The following HERC2 variants were observed in gnomAD, a reference collection of about 807,000 sequenced individuals.
HERC2 encodes the protein HECT and RLD domain containing E3 ubiquitin protein ligase 2.
Under a neutral mutation model 537.7 loss-of-function variants are expected in HERC2, and 102 were observed. That is an observed-to-expected ratio of 0.19 (90% CI 0.16 to 0.22). The LOEUF is 0.22. Among genes scored for constraint, HERC2 ranks in the 10% least tolerant of loss-of-function variants. HERC2 has a pLI of 1.00. For missense variants in HERC2, 4,236 were observed against 6,198.2 expected (o/e 0.68, Z 10.63); for synonymous variants, 2,224 against 2,466.2 (o/e 0.90, Z 2.91).
Position 28,230,380 on chromosome 15 carries a change from A to C in HERC2, c.4796T>G (p.Ile1599Ser), listed in dbSNP as rs1225502150. The C allele has an allele frequency of 1.9e-6, 3 of 1,570,484 alleles. No homozygotes were observed. Among genetic ancestry groups the C allele is most frequent in the Non-Finnish European group, 2.6e-6 (3 of 1,157,294 alleles). ...AAAATACTGCACCTTGGGTGATTTA[A>C]TTGCAATGGGTCTCTTGTCCACATT... is the stretch of plus-strand genomic sequence containing the variant. The part of the protein sequence containing the change: ...PINVDKRPIA[I>S]KSPKDKWQPL... The change falls in exon 31 of 93, where the codon ATT (isoleucine) becomes AGT (serine). Residue 1599 changes from isoleucine to serine, a missense_variant. This residue lies in a region of HERC2 where 343 missense variants were observed against 417.2 expected (regional missense o/e 0.82). Transcript: ENST00000261609.
chr15:28,214,022 C>T (rs1312147410), intron 41 of HERC2, 50 bp from the exon 42 acceptor site: 1 of 1,609,688 alleles, frequency 6.2e-7, no homozygotes, highest in African/African-American at 1.3e-5. Flanking sequence ...CGGAGCTGCC[C>T]AATCCCTACA....
chr15:28,238,299 AGTTAGGCGCTTAACTCAAAAGTGAGG>A, intron 24 of HERC2, 82 bp from the exon 25 acceptor site: 1 of 1,068,892 alleles, frequency 9.4e-7, no homozygotes, highest in Non-Finnish European at 1.5e-6. Context: ...ATAGGAAATA[AGTTAGGCGCTTAACTCAAAAGTGAGG>A]GTTACCAGAG....
chr15:28,171,980 CAGG>C (rs61112679), intron 65 of HERC2, among the ~76,000 whole-genome samples: 11,480 of 150,592 alleles, frequency 0.076, 1,490 homozygotes, highest in African/African-American at 0.27. Flanking sequence ...GAGGCTGAGG[CAGG>C]AGAATGGCGT....
chr15:28,209,634 C>T (rs1333556447), intron 44 of HERC2, among the ~76,000 whole-genome samples: 4 of 152,254 alleles, frequency 2.6e-5, no homozygotes, highest in African/African-American at 4.8e-5. Context: ...TGAGCCACCG[C>T]GCCAGGCCTA....
At position 28,260,771 on chromosome 15, in the gene HERC2, C is replaced by T. The variant is rs1280934724; in HGVS notation, c.2316+6G>A. The T allele has an allele frequency of 3.7e-6, 6 of 1,612,108 alleles. No homozygotes were observed. The highest frequency in any genetic ancestry group is 1.7e-5 in the Admixed American group (1 of 59,892). ...AAAATACCAAATCAAGCTCTATATT[C>T]AGTACCTGGGCAGGCCCACAGGCAA... is the stretch of plus-strand genomic sequence containing the variant. On this transcript the variant is annotated splice_donor_region_variant and intron_variant, in intron 16 of 92. Transcript: ENST00000261609.
intron 15 of HERC2, among the ~76,000 whole-genome samples, chr15:28,262,408 T>C (rs982954232): frequency 6.6e-6 from 1 of 152,194 alleles, no homozygotes; most frequent in Admixed American, 6.5e-5. Flanking sequence ...CTACATACCT[T>C]GGCTTCCATC....
intron 65 of HERC2, among the ~76,000 whole-genome samples, chr15:28,173,931 C>T (rs1368497256): frequency 6.6e-6 from 1 of 151,830 alleles, no homozygotes; most frequent in Non-Finnish European, 1.5e-5. Flanking sequence ...GTACAGAGGG[C>T]CAGAGAGGAA....
intron 35 of HERC2, among the ~76,000 whole-genome samples, chr15:28,225,705 A>C (rs1378801250): frequency 1.3e-5 from 2 of 151,202 alleles, no homozygotes; most frequent in Admixed American, 1.3e-4. Context: ...TCAAAAAAAA[A>C]AAAAAAAAAA....
intron 84 of HERC2, 72 bp from the exon 85 acceptor site, chr15:28,124,306 G>A (rs1162605461): frequency 6.6e-6 from 7 of 1,062,810 alleles, no homozygotes; most frequent in Non-Finnish European, 9.0e-6. Flanking sequence ...CATCCATTAA[G>A]GATTCTGAAA....
chr15:28,260,592 T>G (rs763929634), intron 16 of HERC2, among the ~76,000 whole-genome samples, 185 bp downstream of exon 16: 1 of 152,198 alleles, frequency 6.6e-6, no homozygotes, highest in African/African-American at 2.4e-5. Context: ...TCTATACAGA[T>G]AGCATTTAAT....
chr15:28,218,638 G>C lies in HERC2; in HGVS notation c.5879C>G (p.Thr1960Ser), dbSNP rs1250316962. 6.3e-7 allele frequency: 1 copy of C among 1,586,880 alleles called. No individual in the cohort carries two copies. The highest frequency in any genetic ancestry group is 2.2e-5 in the East Asian group (1 of 44,812). ...AEQTERNIHP[T>S]AMMFTSTINL... The stretch of plus-strand genomic sequence containing the variant: ...AATAGTGCTGGTAAACATCATTGCA[G>C]TGGGGTGAATGTTCCTTTCAGTTTG... The change falls in exon 38 of 93, where the codon ACT becomes AGT. Residue 1960 changes from threonine to serine, a missense_variant. Coordinates refer to ENST00000261609, the MANE Select transcript of HERC2 (RefSeq NM_004667.6).
intron 69 of HERC2, among the ~76,000 whole-genome samples, chr15:28,155,744 T>C (rs953731594): frequency 1.2e-4 from 19 of 152,340 alleles, no homozygotes; most frequent in Middle Eastern, 3.4e-3. Flanking sequence ...TTTCTTTTGC[T>C]GTGCAGAAGC....
intron 34 of HERC2, among the ~76,000 whole-genome samples, chr15:28,228,837 C>T (rs1901527431): frequency 1.3e-5 from 2 of 152,144 alleles, no homozygotes; most frequent in Non-Finnish European, 2.9e-5. Flanking sequence ...CCTTCCATTT[C>T]GAATATAAAA....
rs1442510040 is a variant in HERC2 at position 28,233,855 on chromosome 15, T to C, written c.4219-59A>G. On this transcript the variant is annotated intron_variant, in intron 27 of 92. Coordinates refer to ENST00000261609, the MANE Select transcript of HERC2 (RefSeq NM_004667.6). ...CCACCCAGTGAGTCTTCACAAATCT[T>C]AAACATGCCACAGCTTCTGACGCAC... 5.1e-6 allele frequency: 8 copies of C among 1,559,984 alleles called. No homozygotes were observed. In the South Asian group the frequency reaches 6.7e-5, roughly 13 times the overall value.
chr15:28,214,698 T>C lies in HERC2; in HGVS notation c.6315A>G (p.Gly2105=). The part of the protein sequence containing the change: ...CLVEKLFDFL[G]SLLTTCSSDV... ...CAGAGGAGCAGGTAGTGAGCAAGCT[T>C]CCCAAGAAGTCAAACAGCTTCTCCA... The change falls in exon 40 of 93, where the codon GGA becomes GGG. Residue 2105 remains glycine, a synonymous_variant. Transcript: ENST00000261609. 2.5e-6 allele frequency: 4 copies of C among 1,612,022 alleles called. No individual in the cohort carries two copies. Among genetic ancestry groups the C allele is most frequent in the Non-Finnish European group, 2.5e-6 (3 of 1,179,838 alleles).
Position 28,167,759 on chromosome 15 carries a change from C to G in HERC2, c.10482G>C (p.Arg3494=). The change falls in exon 68 of 93, where the codon CGG becomes CGC. Residue 3494 remains arginine (R), a synonymous_variant. Transcript: ENST00000261609. The part of the protein sequence containing the change: ...VTPSAPSASA[R]PFIPVTDDLG... ...GGTCATCCGTCACTGGGATAAAAGG[C>G]CGAGCGGAGGCTGAGGGGGCCGACG... 2 of 1,614,142 alleles carry G rather than the reference C, an allele frequency of 1.2e-6. No individual in the cohort carries two copies. Among genetic ancestry groups the G allele is most frequent in the Non-Finnish European group, 1.7e-6 (2 of 1,180,026 alleles).
intron 39 of HERC2, among the ~76,000 whole-genome samples, 196 bp from the exon 40 acceptor site, chr15:28,214,998 C>T (rs74417197): frequency 0.069 from 10,502 of 152,174 alleles, 883 homozygotes; most frequent in East Asian, 0.42. Context: ...CTTCAGCTTC[C>T]TGAGTAGCAG....
At chr15:28,261,909 C>A (rs1182232966) in intron 15 of HERC2, among the ~76,000 whole-genome samples, 2 of 152,204 alleles carry the variant, frequency 1.3e-5, no homozygotes, top group African/African-American at 4.8e-5. Flanking sequence ...ACCAAACACA[C>A]AAAGAATGTA....
intron 79 of HERC2, among the ~76,000 whole-genome samples, chr15:28,133,257 T>C (rs887525763): frequency 3.3e-5 from 5 of 152,198 alleles, no homozygotes; most frequent in African/African-American, 1.2e-4. Context: ...AGTTTTAACA[T>C]ATGAATGTCA....
Sources: allele counts gnomAD v4.1 joint callset (sites outside exome capture counted in the v4.1 genomes callset), GRCh38; gene constraint gnomAD v4.1.1; regional missense constraint gnomAD v4.1.1; transcripts MANE v1.5; gene names NCBI Gene and HGNC (gene_info 2026-07-23, HGNC 2026-07-21).